LOC128462377: variants seen among roughly 807,000 people sequenced by gnomAD.
the LOC128462377 span, among the ~76,000 whole-genome samples, chr16:89,384,879 C>CTTTTTCTTTTTTTTTTTTTTTT: frequency 2.0e-5 from 1 of 49,910 alleles, no homozygotes; most frequent in African/African-American, 7.9e-5. Flanking sequence ...AAATAGTTTT[C>CTTTTTCTTTTTTTTTTTTTTTT]TTTTTTTTTT....
the LOC128462377 span, among the ~76,000 whole-genome samples, chr16:89,376,497 G>A: frequency 6.6e-6 from 1 of 152,156 alleles, no homozygotes; most frequent in Non-Finnish European, 1.5e-5. Context: ...GAGTGCAGTG[G>A]CATGATCTCA....
chr16:89,399,399 G>A, the LOC128462377 span, among the ~76,000 whole-genome samples: 3 of 152,134 alleles, frequency 2.0e-5, no homozygotes, highest in Non-Finnish European at 2.9e-5. Flanking sequence ...AGTGAAAGCA[G>A]CCCGTCTCCA....
the LOC128462377 span, among the ~76,000 whole-genome samples, chr16:89,363,496 T>A: frequency 6.6e-6 from 1 of 151,722 alleles, no homozygotes; most frequent in African/African-American, 2.4e-5. Flanking sequence ...AAAAAAAAGA[T>A]TCAGTCTTGC....
At chr16:89,390,230 C>T in the LOC128462377 span, among the ~76,000 whole-genome samples, 1 of 75,798 alleles carries the variant, frequency 1.3e-5, no homozygotes, top group Non-Finnish European at 2.7e-5. Flanking sequence ...CGGGGAGCAC[C>T]GAGAGAGAAG....
chr16:89,375,188 G>A, the LOC128462377 span, among the ~76,000 whole-genome samples: 245 of 152,162 alleles, frequency 1.6e-3, no homozygotes, highest in Middle Eastern at 0.01. Context: ...GTGCTACCGC[G>A]GTGAGCTCAA....
At chr16:89,322,167 C>A in the LOC128462377 span, among the ~76,000 whole-genome samples, 6,833 of 152,256 alleles carry the variant, frequency 0.045, 491 homozygotes, top group African/African-American at 0.15. Context: ...CGCCCCCAAC[C>A]CCTGTATTGT....
the LOC128462377 span, among the ~76,000 whole-genome samples, chr16:89,357,615 G>A: frequency 1.3e-5 from 2 of 152,214 alleles, no homozygotes; most frequent in African/African-American, 4.8e-5. Flanking sequence ...GCAAACCCGA[G>A]TGTCCCCTGG....
At chr16:89,374,641 C>T in the LOC128462377 span, among the ~76,000 whole-genome samples, 8 of 152,160 alleles carry the variant, frequency 5.3e-5, no homozygotes, top group East Asian at 9.6e-4. Flanking sequence ...GGCCATCTCC[C>T]GCGTGCTACG....
the LOC128462377 span, among the ~76,000 whole-genome samples, chr16:89,331,795 T>C: frequency 6.6e-6 from 1 of 152,184 alleles, no homozygotes; most frequent in South Asian, 2.1e-4. Flanking sequence ...CTGTGTGCTA[T>C]TTTTATTTTC....
the LOC128462377 span, among the ~76,000 whole-genome samples, chr16:89,401,301 A>T: frequency 1.3e-4 from 19 of 151,718 alleles, no homozygotes; most frequent in African/African-American, 4.6e-4. Context: ...CTGGTCTCGA[A>T]CTCCTGACCT....
the LOC128462377 span, among the ~76,000 whole-genome samples, chr16:89,338,869 T>A: frequency 6.6e-6 from 1 of 151,698 alleles, no homozygotes; most frequent in African/African-American, 2.4e-5. Context: ...GTTTGCCAAA[T>A]GAATACTTGG....
chr16:89,347,108 T>G, the LOC128462377 span, among the ~76,000 whole-genome samples: 3 of 151,944 alleles, frequency 2.0e-5, no homozygotes, highest in African/African-American at 7.3e-5. Context: ...CCTAGGCCCG[T>G]GGAGGTGTCT....
chr16:89,385,966 G>C, the LOC128462377 span, among the ~76,000 whole-genome samples: 2 of 152,214 alleles, frequency 1.3e-5, no homozygotes, highest in African/African-American at 4.8e-5. Context: ...CAGCAGTCCA[G>C]AACTCCCTGG....
At chr16:89,364,403 A>T in the LOC128462377 span, among the ~76,000 whole-genome samples, 1 of 152,234 alleles carries the variant, frequency 6.6e-6, no homozygotes, top group Non-Finnish European at 1.5e-5. Flanking sequence ...AGGTAACTGA[A>T]ACACATCCTA....
the LOC128462377 span, among the ~76,000 whole-genome samples, chr16:89,378,671 C>G: frequency 6.6e-6 from 1 of 152,188 alleles, no homozygotes; most frequent in African/African-American, 2.4e-5. Context: ...TTTCTGCCTC[C>G]TGGGTTCAAG....
the LOC128462377 span, among the ~76,000 whole-genome samples, chr16:89,363,952 T>G: frequency 6.6e-6 from 1 of 151,932 alleles, no homozygotes; most frequent in Non-Finnish European, 1.5e-5. Context: ...TCCCAGCAAC[T>G]CAGGAGCCTG....
At chr16:89,319,186 A>C in the LOC128462377 span, among the ~76,000 whole-genome samples, 5 of 152,258 alleles carry the variant, frequency 3.3e-5, no homozygotes, top group African/African-American at 1.2e-4. Flanking sequence ...GCCCACGGAC[A>C]CACTCAACAG....
the LOC128462377 span, among the ~76,000 whole-genome samples, chr16:89,349,497 A>T: frequency 1.3e-5 from 2 of 152,158 alleles, no homozygotes; most frequent in African/African-American, 4.8e-5. Flanking sequence ...CCAAAAATAG[A>T]CCCACATAAA....
At chr16:89,369,892 T>C in the LOC128462377 span, among the ~76,000 whole-genome samples, 2 of 152,162 alleles carry the variant, frequency 1.3e-5, no homozygotes, top group Admixed American at 6.5e-5. Flanking sequence ...TTACATCTCA[T>C]GTCATCTATG....
Sources: gnomAD v4.1 joint callset for allele counts (sites outside exome capture counted in the v4.1 genomes callset) on GRCh38, gnomAD v4.1.1 for gene constraint, MANE v1.5 for transcripts.